Variants in PARVB observed in about 807,000 individuals in gnomAD.
PARVB encodes beta-parvin.
PARVB carries 46 observed loss-of-function variants against 47.0 expected under a neutral mutation model. That is an observed-to-expected ratio of 0.98 (90% CI 0.77 to 1.25). PARVB has a LOEUF of 1.25. Among genes scored for constraint, PARVB ranks in the 50% most tolerant of loss-of-function variants. PARVB has a pLI of 0.00. For missense variants in PARVB, 473 were observed against 471.6 expected, an observed-to-expected ratio of 1.00 and a Z score of -0.03; for synonymous variants, 196 against 196.3, an observed-to-expected ratio of 1.00 and a Z score of 0.01.
At chr22:44,077,645 G>T (rs2051807015) in intron 1 of PARVB, among the ~76,000 whole-genome samples, 1 of 152,194 alleles carries the variant, frequency 6.6e-6, no homozygotes, top group Non-Finnish European at 1.5e-5. Flanking sequence ...TGCCGGGGAG[G>T]TGGGAAGCTC....
Position 44,054,710 on chromosome 22 carries a change from C to T in PARVB, c.112+30259C>T, listed in dbSNP as rs566409854. On this transcript the variant is annotated intron_variant, in intron 1 of 12. Transcript: ENST00000338758. ...TACACTTAAAAATGGTTAAAGTAGC[C>T]GGGTGCGGTGGCTCACACCTGTAAT... 8.5e-5 allele frequency among the ~76,000 whole-genome samples: 13 copies of T among 152,052 alleles called. No individual in the cohort carries two copies. In the South Asian group the frequency reaches 1.5e-3, roughly 17 times the overall value.
rs538665130 is a variant in PARVB at position 44,160,269 on chromosome 22, C to T, written c.945+2186C>T. ...TGGAGATCTTTCCTAGAAGAAGACACGAGTTGCTTCCCCCTCAGCATTACT... is the reference window on the plus strand; with the variant it reads ...TGGAGATCTTTCCTAGAAGAAGACATGAGTTGCTTCCCCCTCAGCATTACT... On this transcript the variant is annotated intron_variant, in intron 11 of 12. Coordinates refer to ENST00000338758, the MANE Select transcript of PARVB (RefSeq NM_013327.5). Among the ~76,000 whole-genome samples, 5 of 152,200 alleles carry T rather than the reference C, an allele frequency of 3.3e-5. No homozygotes were observed. In the East Asian group the frequency reaches 5.8e-4, roughly 18 times the overall value.
chr22:44,148,286 C>T (rs531931020), intron 9 of PARVB: 33 of 346,110 alleles, frequency 9.5e-5, no homozygotes, highest in South Asian at 7.3e-4. Flanking sequence ...AGTAAACACG[C>T]AGGCCTGTGC....
chr22:44,099,249 C>T (rs1293924410), intron 2 of PARVB, among the ~76,000 whole-genome samples: 2 of 152,214 alleles, frequency 1.3e-5, no homozygotes, highest in Admixed American at 6.5e-5. Flanking sequence ...CCTGAGACCC[C>T]CTTGCCCTTC....
intron 1 of PARVB, among the ~76,000 whole-genome samples, chr22:44,085,329 A>G (rs2147016963): frequency 6.6e-6 from 1 of 151,478 alleles, no homozygotes; most frequent in South Asian, 2.1e-4. Context: ...TAATTTTTTG[A>G]GACAAGATCT....
intron 1 of PARVB, among the ~76,000 whole-genome samples, chr22:44,073,253 G>C (rs1301070349): frequency 6.6e-6 from 1 of 152,230 alleles, no homozygotes; most frequent in Non-Finnish European, 1.5e-5. Flanking sequence ...ACTTTGGGAG[G>C]CTGAGGCGGG....
intron 2 of PARVB, among the ~76,000 whole-genome samples, chr22:44,001,134 C>T (rs1333303745): frequency 2.0e-5 from 3 of 152,116 alleles, no homozygotes; most frequent in Non-Finnish European, 4.4e-5. Flanking sequence ...CCTGTAGTCC[C>T]AGCTACTCAG....
chr22:44,051,041 G>C (rs544625954), intron 1 of PARVB, among the ~76,000 whole-genome samples: 1 of 152,288 alleles, frequency 6.6e-6, no homozygotes, highest in South Asian at 2.1e-4. Context: ...AGAGAGTCTC[G>C]GGAGGCCTGA....
chr22:44,154,442 G>A (rs192260368), intron 10 of PARVB, among the ~76,000 whole-genome samples: 2 of 152,280 alleles, frequency 1.3e-5, no homozygotes, highest in African/African-American at 2.4e-5. Context: ...TTCTATTTGT[G>A]TGTGGGTGAG....
intron 1 of PARVB, chr22:44,069,149 C>T (rs2051597834): frequency 6.2e-7 from 1 of 1,612,580 alleles, no homozygotes; most frequent in Non-Finnish European, 8.5e-7. Context: ...CCGCCAGCTG[C>T]ACCCTCCTCG....
intron 12 of PARVB, among the ~76,000 whole-genome samples, chr22:44,166,783 A>G (rs1331743666): frequency 6.6e-6 from 1 of 152,210 alleles, no homozygotes; most frequent in African/African-American, 2.4e-5. Context: ...GGGCCTCTTT[A>G]TTTTGTGGCT....
chr22:44,060,807 A>G (rs372478798), intron 1 of PARVB, among the ~76,000 whole-genome samples: 13 of 151,942 alleles, frequency 8.6e-5, no homozygotes, highest in African/African-American at 3.1e-4. Flanking sequence ...GGTGGTTTTG[A>G]TCTATAAAGT....
chr22:44,047,659 T>G (rs1047407889), intron 1 of PARVB, among the ~76,000 whole-genome samples: 6 of 151,692 alleles, frequency 4.0e-5, no homozygotes, highest in African/African-American at 1.5e-4. Context: ...AGACTCCATC[T>G]AAAAAAAATA....
intron 10 of PARVB, among the ~76,000 whole-genome samples, chr22:44,154,534 GGT>G (rs111362553): frequency 0.018 from 2,637 of 144,874 alleles, 56 homozygotes; most frequent in East Asian, 0.065. Context: ...TAGTCTGGTG[GGT>G]GTGTGTGTGT....
intron 7 of PARVB, 103 bp downstream of exon 7, chr22:44,136,621 C>T: frequency 3.4e-6 from 3 of 881,514 alleles, no homozygotes; most frequent in Non-Finnish European, 5.8e-6. Flanking sequence ...TGGGGCTGCT[C>T]CCGCTCCACA....
chr22:44,060,303 G>A (rs1204351453), intron 1 of PARVB, among the ~76,000 whole-genome samples: 1 of 152,084 alleles, frequency 6.6e-6, no homozygotes, highest in African/African-American at 2.4e-5. Context: ...GCAACAGAGA[G>A]AGACTCTTTC....
At chr22:44,094,364 G>A (rs1463157099) in intron 2 of PARVB, among the ~76,000 whole-genome samples, 6 of 148,698 alleles carry the variant, frequency 4.0e-5, no homozygotes, top group South Asian at 2.1e-4. Context: ...GCCACGCCAT[G>A]CCACGCCACG....
chr22:44,069,085 G>T, intron 1 of PARVB: 1 of 1,608,476 alleles, frequency 6.2e-7, no homozygotes, highest in Non-Finnish European at 8.5e-7. Context: ...TATGAACGGG[G>T]TGTGTGCCCG....
At chr22:44,026,665 G>A (rs1166760976) in intron 1 of PARVB, among the ~76,000 whole-genome samples, 6 of 152,262 alleles carry the variant, frequency 3.9e-5, no homozygotes, top group African/African-American at 1.2e-4. Context: ...GGCCGTCAGA[G>A]CTATGCTCGG....
Sources: allele counts gnomAD v4.1 joint callset (sites outside exome capture counted in the v4.1 genomes callset), GRCh38; gene constraint gnomAD v4.1.1; transcripts MANE v1.5; gene names NCBI Gene and HGNC (gene_info 2026-07-23, HGNC 2026-07-21).